The following SNTG1 variants were observed in gnomAD, a reference collection of about 807,000 sequenced individuals.
The protein encoded by SNTG1 is gamma-1-syntrophin.
Under a neutral mutation model 74.7 loss-of-function variants are expected in SNTG1, and 39 were observed. That is an observed-to-expected ratio of 0.52 (90% CI 0.40 to 0.68). The LOEUF (loss-of-function observed/expected upper bound fraction) is 0.68. Among genes scored for constraint, SNTG1 ranks in the 30% least tolerant of loss-of-function variants. SNTG1 has a pLI of 0.00. For synonymous variants in SNTG1, 254 were observed against 217.1 expected, an observed-to-expected ratio of 1.17 and a Z score of -1.49; for missense variants, 685 against 609.5, an observed-to-expected ratio of 1.12 and a Z score of -1.30.
At chr8:50,570,033 T>C (rs1340538477) in intron 12 of SNTG1, among the ~76,000 whole-genome samples, 2 of 152,056 alleles carry the variant, frequency 1.3e-5, no homozygotes, top group Non-Finnish European at 2.9e-5. Flanking sequence ...GTCAGGAAAG[T>C]AAAATATTTC....
chr8:50,051,551 A>T (rs990150820), intron 1 of SNTG1, among the ~76,000 whole-genome samples: 23 of 152,114 alleles, frequency 1.5e-4, no homozygotes, highest in African/African-American at 5.1e-4. Context: ...CAGTTGTGTA[A>T]GTTTGAAGTC....
intron 1 of SNTG1, chr8:50,164,444 T>G (rs1282205504): frequency 1.3e-5 from 2 of 152,190 alleles, no homozygotes; most frequent in Non-Finnish European, 2.9e-5. Context: ...TAAAGCTCTA[T>G]CAGGCAATCT....
rs1277746393 is a variant in SNTG1, at chr8:50,501,445, T to C, written c.364-1333T>C. Reference sequence around the variant, plus strand: ...TGTGCGTTTTTTTTTTTTTTTTTTTTTTTTTTTTTCACGGAGTTTTGCTCT... The same window carrying C: ...TGTGCGTTTTTTTTTTTTTTTTTTTCTTTTTTTTTCACGGAGTTTTGCTCT... On this transcript the variant is annotated intron_variant, in intron 8 of 18. Transcript: ENST00000642720. 2.2e-5 allele frequency among the ~76,000 whole-genome samples: 3 copies of C among 136,194 alleles called. No individual in the cohort carries two copies. In the South Asian group the frequency reaches 7.7e-4, roughly 35 times the overall value. The allele number at this position is 136,194 out of a possible 152,430, so 89.3% of individuals were successfully genotyped here. A position where few individuals can be genotyped will look rare whatever the true frequency, so the allele number is the denominator to read the frequency against.
intron 9 of SNTG1, among the ~76,000 whole-genome samples, chr8:50,515,380 T>A (rs1330402961): frequency 6.9e-6 from 1 of 145,862 alleles, no homozygotes; most frequent in Non-Finnish European, 1.5e-5. Flanking sequence ...ACAAGCTAGC[T>A]GCAGGAGTTT....
At chr8:50,053,743 A>G (rs1456165113) in intron 1 of SNTG1, among the ~76,000 whole-genome samples, 1 of 151,342 alleles carries the variant, frequency 6.6e-6, no homozygotes. Flanking sequence ...AACTTGTTCA[A>G]TGACTCCTCT....
intron 4 of SNTG1, among the ~76,000 whole-genome samples, chr8:50,409,352 AT>A (rs1411466153): frequency 6.6e-6 from 1 of 152,186 alleles, no homozygotes; most frequent in African/African-American, 2.4e-5. Flanking sequence ...AGTGCCTTTT[AT>A]TAACTACTTT....
At chr8:50,742,692 A>G (rs1287664174) in intron 17 of SNTG1, among the ~76,000 whole-genome samples, 1 of 151,760 alleles carries the variant, frequency 6.6e-6, no homozygotes, top group East Asian at 1.9e-4. Flanking sequence ...ATTATAGTTG[A>G]AAAAAATAAA....
At chr8:50,623,728 T>A (rs2094938377) in intron 13 of SNTG1, among the ~76,000 whole-genome samples, 1 of 152,062 alleles carries the variant, frequency 6.6e-6, no homozygotes, top group Admixed American at 6.6e-5. Flanking sequence ...AATGTTTTTA[T>A]TATGAAAAGT....
chr8:50,330,750 G>A (rs2090930794), intron 2 of SNTG1, among the ~76,000 whole-genome samples: 1 of 152,178 alleles, frequency 6.6e-6, no homozygotes, highest in Non-Finnish European at 1.5e-5. Context: ...GGGGAAGGGG[G>A]CACAGTAAAC....
intron 2 of SNTG1, among the ~76,000 whole-genome samples, chr8:50,217,021 T>C (rs2084821574): frequency 6.6e-6 from 1 of 151,350 alleles, no homozygotes; most frequent in Non-Finnish European, 1.5e-5. Flanking sequence ...ATATATATAT[T>C]TATAAGTTTA....
intron 2 of SNTG1, among the ~76,000 whole-genome samples, chr8:50,331,382 C>T (rs1005721711): frequency 5.3e-5 from 8 of 152,068 alleles, no homozygotes; most frequent in East Asian, 1.9e-4. Flanking sequence ...GAGACCAAAA[C>T]GATCTTTAAT....
rs186313723 is a variant in SNTG1 at position 50,680,789 on chromosome 8, C to A, written c.1038+22126C>A. Among the ~76,000 whole-genome samples the A allele has an allele frequency of 6.2e-3, 937 of 152,134 alleles. 3 individuals are homozygous for A. The highest frequency in any genetic ancestry group is 9.3e-3 in the Non-Finnish European group (630 of 68,000). On this transcript the variant is annotated intron_variant, in intron 15 of 18. Coordinates refer to ENST00000642720, the MANE Select transcript of SNTG1 (RefSeq NM_018967.5). ...CCCTGGAATGAGAATAAAGGTGAGACCAGATCCAGGTATGTGCTCGCAGCT... is the reference window on the plus strand; with the variant it reads ...CCCTGGAATGAGAATAAAGGTGAGAACAGATCCAGGTATGTGCTCGCAGCT...
chr8:50,553,827 A>G (rs1397562997), intron 12 of SNTG1, among the ~76,000 whole-genome samples: 4 of 152,182 alleles, frequency 2.6e-5, no homozygotes, highest in Non-Finnish European at 5.9e-5. Flanking sequence ...AAAATATACA[A>G]AACCACAAAC....
intron 2 of SNTG1, among the ~76,000 whole-genome samples, chr8:50,305,723 C>T (rs1010932359): frequency 6.6e-6 from 1 of 151,638 alleles, no homozygotes; most frequent in African/African-American, 2.4e-5. Context: ...GTAAGTAAAA[C>T]ATATAAACCA....
chr8:50,721,752 C>T (rs2095488184), intron 17 of SNTG1, among the ~76,000 whole-genome samples: 1 of 152,140 alleles, frequency 6.6e-6, no homozygotes, highest in Non-Finnish European at 1.5e-5. Context: ...TATGGTGCTT[C>T]CTTTATTGTA....
chr8:50,433,041 C>T (rs1018098922), intron 4 of SNTG1, among the ~76,000 whole-genome samples: 4 of 152,116 alleles, frequency 2.6e-5, no homozygotes, highest in South Asian at 2.1e-4. Context: ...CCACCTGCCT[C>T]GGCCTCCCAA....
At chr8:50,778,784 T>C (rs1466294901) in intron 18 of SNTG1, among the ~76,000 whole-genome samples, 4 of 151,228 alleles carry the variant, frequency 2.6e-5, no homozygotes, top group Non-Finnish European at 5.9e-5. Flanking sequence ...TGCCCATGCC[T>C]ATGTCCTGAA....
chr8:50,607,944 T>C (rs1181454603), intron 13 of SNTG1, among the ~76,000 whole-genome samples: 2 of 151,736 alleles, frequency 1.3e-5, no homozygotes, highest in South Asian at 2.1e-4. Flanking sequence ...AATTTGCCTG[T>C]AATTTATTTC....
At chr8:50,078,893 C>T (rs1045055243) in intron 1 of SNTG1, among the ~76,000 whole-genome samples, 6 of 152,188 alleles carry the variant, frequency 3.9e-5, no homozygotes, top group African/African-American at 1.4e-4. Flanking sequence ...GACATGAACT[C>T]ATTTTTTATG....
Sources: allele counts gnomAD v4.1 joint callset (sites outside exome capture counted in the v4.1 genomes callset), GRCh38; gene constraint gnomAD v4.1.1; transcripts MANE v1.5; gene names NCBI Gene and HGNC (gene_info 2026-07-23, HGNC 2026-07-21).